Variants in OR56A3 observed in about 807,000 individuals in gnomAD.
The protein encoded by OR56A3 is olfactory receptor family 56 subfamily A member 3, also known as olfactory receptor 56A3.
Under a neutral mutation model 17.5 loss-of-function variants are expected in OR56A3, and 23 were observed. The observed-to-expected ratio is 1.32, with a 90% CI of 0.95 to 1.87. The LOEUF (loss-of-function observed/expected upper bound fraction) is 1.87. OR56A3 is among the 40% of genes most tolerant of loss of function. The pLI, the probability that OR56A3 is intolerant of heterozygous loss-of-function variation, is 0.00. For synonymous variants in OR56A3, 175 were observed against 150.6 expected, an observed-to-expected ratio of 1.16 and a Z score of -1.19; for missense variants, 366 against 380.1, an observed-to-expected ratio of 0.96 and a Z score of 0.31.
the OR56A3 span, among the ~76,000 whole-genome samples, chr11:5,961,907 G>T: frequency 6.6e-6 from 1 of 151,858 alleles, no homozygotes; most frequent in Admixed American, 6.6e-5. Context: ...TTGCCTAATT[G>T]CTCATGCTAA....
At chr11:5,985,674 A>G in the OR56A3 span, among the ~76,000 whole-genome samples, 1 of 152,250 alleles carries the variant, frequency 6.6e-6, no homozygotes, top group Admixed American at 6.5e-5. Context: ...TATTTCTCCT[A>G]TCCCCAAGTC....
chr11:5,965,251 A>G, the OR56A3 span, among the ~76,000 whole-genome samples: 84 of 152,368 alleles, frequency 5.5e-4, no homozygotes, highest in South Asian at 2.7e-3. Context: ...TGGTTAAAAA[A>G]TGTTTTATAA....
chr11:6,011,453 G>A, the OR56A3 span, among the ~76,000 whole-genome samples: 4 of 152,018 alleles, frequency 2.6e-5, no homozygotes, highest in Admixed American at 6.6e-5. Context: ...TCTGGATCAA[G>A]CTGGACAGGT....
At chr11:5,978,110 C>G in the OR56A3 span, among the ~76,000 whole-genome samples, 1 of 152,016 alleles carries the variant, frequency 6.6e-6, no homozygotes, top group African/African-American at 2.4e-5. Context: ...TACTGTAGCC[C>G]TGTAGTACAG....
At chr11:5,961,488 C>T in the OR56A3 span, among the ~76,000 whole-genome samples, 14 of 152,292 alleles carry the variant, frequency 9.2e-5, no homozygotes, top group East Asian at 2.7e-3. Context: ...TGTGTCCACT[C>T]AGGGTTAAAT....
At chr11:6,009,695 G>T in the OR56A3 span, among the ~76,000 whole-genome samples, 1 of 152,056 alleles carries the variant, frequency 6.6e-6, no homozygotes, top group Non-Finnish European at 1.5e-5. Flanking sequence ...AGAACTTTTT[G>T]TCTTTGGGGT....
intron 2 of OR56A3, among the ~76,000 whole-genome samples, chr11:5,945,864 T>G (rs1019241289): frequency 6.6e-6 from 1 of 152,214 alleles, no homozygotes; most frequent in African/African-American, 2.4e-5. Context: ...GTTATATTAG[T>G]GAGCCAAAGT....
At chr11:6,007,099 G>A in the OR56A3 span, among the ~76,000 whole-genome samples, 1 of 152,214 alleles carries the variant, frequency 6.6e-6, no homozygotes, top group East Asian at 1.9e-4. Context: ...AGTATGTTGT[G>A]AAAGGTGTTC....
intron 2 of OR56A3, among the ~76,000 whole-genome samples, chr11:5,945,530 A>G (rs1847863848): frequency 6.7e-6 from 1 of 150,218 alleles, no homozygotes; most frequent in African/African-American, 2.4e-5. Context: ...TGCAGTGAGC[A>G]GAGATCACGC....
At chr11:5,943,376 G>T (rs1406819493) in intron 1 of OR56A3, 1 of 151,688 alleles carries the variant, frequency 6.6e-6, no homozygotes, top group African/African-American at 2.4e-5. Context: ...CTTCCATTTG[G>T]CTCTACCCTG....
the OR56A3 span, among the ~76,000 whole-genome samples, chr11:5,960,294 C>T: frequency 6.6e-6 from 1 of 151,614 alleles, no homozygotes; most frequent in Non-Finnish European, 1.5e-5. Flanking sequence ...TTTGCATGGT[C>T]TCCCTCTGAT....
the OR56A3 span, among the ~76,000 whole-genome samples, chr11:5,964,706 T>A: frequency 6.6e-6 from 1 of 152,216 alleles, no homozygotes; most frequent in Admixed American, 6.5e-5. Context: ...ATCTCACACA[T>A]GGCTACGGGT....
the OR56A3 span, among the ~76,000 whole-genome samples, chr11:6,011,204 T>TATATATATATA: frequency 8.2e-6 from 1 of 122,524 alleles, no homozygotes; most frequent in Admixed American, 8.0e-5. Context: ...GAGATTTATT[T>TATATATATATA]TATATATATA....
At chr11:6,010,654 T>C in the OR56A3 span, among the ~76,000 whole-genome samples, 1 of 152,340 alleles carries the variant, frequency 6.6e-6, no homozygotes, top group Non-Finnish European at 1.5e-5. Flanking sequence ...CTTTGCAGAT[T>C]ACCCAGCCTC....
At chr11:5,996,749 TA>T in the OR56A3 span, among the ~76,000 whole-genome samples, 1 of 152,332 alleles carries the variant, frequency 6.6e-6, no homozygotes, top group East Asian at 1.9e-4. Flanking sequence ...TCCAAAGAAA[TA>T]AGTCTATTTC....
At chr11:5,970,034 G>C in the OR56A3 span, among the ~76,000 whole-genome samples, 1 of 152,214 alleles carries the variant, frequency 6.6e-6, no homozygotes, top group South Asian at 2.1e-4. Flanking sequence ...AATAGCCTTT[G>C]AAAAGATTTG....
At chr11:5,986,649 G>A in the OR56A3 span, 17 of 1,613,962 alleles carry the variant, frequency 1.1e-5, no homozygotes, top group African/African-American at 2.3e-4. Flanking sequence ...TGGGTGCAGT[G>A]GAGGAGGCCA....
chr11:5,961,039 G>A, the OR56A3 span, among the ~76,000 whole-genome samples: 65 of 151,194 alleles, frequency 4.3e-4, no homozygotes, highest in East Asian at 3.4e-3. Context: ...GCCGCCCCCC[G>A]TCTGGGAATT....
chr11:5,952,256 G>A (rs1590448253), downstream of OR56A3, among the ~76,000 whole-genome samples: 1 of 152,156 alleles, frequency 6.6e-6, no homozygotes, highest in East Asian at 1.9e-4. Context: ...TTGGCAGAAA[G>A]GTAGACCCAA....
Sources: allele counts gnomAD v4.1 joint callset (sites outside exome capture counted in the v4.1 genomes callset), GRCh38; gene constraint gnomAD v4.1.1; transcripts MANE v1.5; gene names NCBI Gene and HGNC (gene_info 2026-07-23, HGNC 2026-07-21).